DRAM1: variants seen among roughly 807,000 people sequenced by gnomAD.
The protein encoded by DRAM1 is DNA damage regulated autophagy modulator 1.
DRAM1 carries 25 observed loss-of-function variants against 28.5 expected under a neutral mutation model. That is an observed-to-expected ratio of 0.88 (90% CI 0.64 to 1.23). The LOEUF (loss-of-function observed/expected upper bound fraction) is 1.23. Among genes scored for constraint, DRAM1 ranks in the 50% most tolerant of loss-of-function variants. The pLI is 0.00. For synonymous variants in DRAM1, 113 were observed against 114.2 expected, an observed-to-expected ratio of 0.99 and a Z score of 0.07; for missense variants, 249 against 299.2, an observed-to-expected ratio of 0.83 and a Z score of 1.24.
chr12:101,887,538 CT>C (rs1491560007), intron 1 of DRAM1, among the ~76,000 whole-genome samples: 2 of 148,986 alleles, frequency 1.3e-5, no homozygotes, highest in Non-Finnish European at 1.5e-5. Flanking sequence ...TTTTCTTTTT[CT>C]TTTTTTTTTG....
Position 101,908,415 on chromosome 12 carries a change from A to G in DRAM1, c.520+52A>G, listed in dbSNP as rs954381883. 7 of 1,548,566 alleles carry G rather than the reference A, an allele frequency of 4.5e-6. No individual in the cohort carries two copies. The Admixed American group carries it at 5.7e-5, about 13-fold the overall frequency. On this transcript the variant is annotated intron_variant, in intron 4 of 6. Coordinates refer to ENST00000258534, the MANE Select transcript of DRAM1 (RefSeq NM_018370.3). ...TTAAAGGAATAAAACATTCAGTGACACTTGTTAAAGAAGGGTAATGAAGAC... is the reference window on the plus strand; with the variant it reads ...TTAAAGGAATAAAACATTCAGTGACGCTTGTTAAAGAAGGGTAATGAAGAC...
At chr12:101,910,635 G>A (rs1594309321) in intron 4 of DRAM1, among the ~76,000 whole-genome samples, 3 of 151,874 alleles carry the variant, frequency 2.0e-5, no homozygotes, top group South Asian at 2.1e-4. Flanking sequence ...CCACCACCAC[G>A]CCCGGCTACT....
At chr12:101,880,278 C>CTTTTTTTTT (rs61082909) in intron 1 of DRAM1, among the ~76,000 whole-genome samples, 6 of 70,096 alleles carry the variant, frequency 8.6e-5, no homozygotes, top group Admixed American at 1.9e-4. Flanking sequence ...GCAATGCTTC[C>CTTTTTTTTT]TTTTTTTTTT....
intron 4 of DRAM1, 74 bp from the exon 5 acceptor site, chr12:101,914,100 A>T: frequency 3.3e-6 from 3 of 914,864 alleles, no homozygotes; most frequent in Non-Finnish European, 4.8e-6. Context: ...TTATGTTATT[A>T]GGAGAATAAT....
intron 6 of DRAM1, among the ~76,000 whole-genome samples, chr12:101,920,505 A>C (rs1874440929): frequency 6.6e-6 from 1 of 152,000 alleles, no homozygotes; most frequent in African/African-American, 2.4e-5. Flanking sequence ...CACCAATGAG[A>C]TTTTCATATG....
chr12:101,901,078 G>GGTGTGT (rs67125604), intron 2 of DRAM1, among the ~76,000 whole-genome samples: 54 of 143,048 alleles, frequency 3.8e-4, no homozygotes, highest in African/African-American at 1.3e-3. Flanking sequence ...ACAGCCAAGG[G>GGTGTGT]GTGTGTGTGT....
intron 5 of DRAM1, among the ~76,000 whole-genome samples, chr12:101,915,221 T>C (rs1874193746): frequency 1.3e-5 from 2 of 151,244 alleles, no homozygotes; most frequent in Admixed American, 6.6e-5. Flanking sequence ...CCTCGTGATC[T>C]GCCCACCTCG....
In DRAM1 at chr12:101,922,589, G is replaced by T. The variant is rs1166603697; in HGVS notation, c.*1329G>T. The T allele has an allele frequency of 1.3e-5, 2 of 152,216 alleles. No individual in the cohort carries two copies. The highest frequency in any genetic ancestry group is 4.8e-5 in the African/African-American group (2 of 41,454). The allele number at this position is 152,216 out of a possible 1,614,324, so 9.4% of individuals were successfully genotyped here. ...GTGAGGCTCAGTGGCAGGTACCTCT[G>T]CAATGACAAGCTGCCTCCCCTCTAT... On this transcript the variant is annotated 3_prime_UTR_variant, in exon 7 of 7. Transcript: ENST00000258534.
intron 3 of DRAM1, among the ~76,000 whole-genome samples, chr12:101,905,747 G>A (rs1873777551): frequency 7.0e-6 from 1 of 143,828 alleles, no homozygotes; most frequent in African/African-American, 2.6e-5. Context: ...ACACCATCAT[G>A]CCCATCTGAT....
intron 3 of DRAM1, among the ~76,000 whole-genome samples, chr12:101,903,700 T>A (rs1873682402): frequency 6.6e-6 from 1 of 152,062 alleles, no homozygotes; most frequent in Admixed American, 6.6e-5. Flanking sequence ...ACAAAAAAAA[T>A]GAATAAGTAT....
At chr12:101,897,776 G>A (rs1873441304) in intron 1 of DRAM1, 87 bp from the exon 2 acceptor site, 2 of 907,918 alleles carry the variant, frequency 2.2e-6, no homozygotes, top group Admixed American at 2.2e-5. Context: ...AAAAGAAACA[G>A]AATATAAAAC....
At chr12:101,910,711 T>G (rs977566249) in intron 4 of DRAM1, among the ~76,000 whole-genome samples, 5 of 151,724 alleles carry the variant, frequency 3.3e-5, no homozygotes, top group African/African-American at 9.7e-5. Flanking sequence ...ACTCCTGAAC[T>G]CAGGTGATCC....
intron 5 of DRAM1, among the ~76,000 whole-genome samples, chr12:101,916,276 G>C (rs1476180385): frequency 2.0e-5 from 3 of 152,230 alleles, no homozygotes; most frequent in Non-Finnish European, 4.4e-5. Context: ...ACTTTGGGAG[G>C]CTGAGGCAGG....
rs1278526889 is a variant in DRAM1 at position 101,921,671 on chromosome 12, T to C, written c.*411T>C. On this transcript the variant is annotated 3_prime_UTR_variant, in exon 7 of 7. Transcript: ENST00000258534. ...CAAAGTGAAATCAGGGGATATTCAT[T>C]TGTAAATTTTATTCTTAGTGAATGA... is the stretch of plus-strand genomic sequence containing the variant. The C allele has an allele frequency of 6.5e-6, 1 of 154,986 alleles. No homozygotes were observed. Among genetic ancestry groups the C allele is most frequent in the Non-Finnish European group, 1.4e-5 (1 of 70,010 alleles). 9.6% of individuals were successfully genotyped at this position (154,986 alleles called of 1,614,324 possible). A position where few individuals can be genotyped will look rare whatever the true frequency, so the allele number is the denominator to read the frequency against.
At chr12:101,918,394 A>G (rs962909880) in intron 5 of DRAM1, among the ~76,000 whole-genome samples, 1 of 152,194 alleles carries the variant, frequency 6.6e-6, no homozygotes, top group Non-Finnish European at 1.5e-5. Flanking sequence ...CAGGGATGAT[A>G]CGGGATGTGG....
chr12:101,912,295 T>A (rs975834134), intron 4 of DRAM1, among the ~76,000 whole-genome samples: 2 of 152,228 alleles, frequency 1.3e-5, no homozygotes, highest in Admixed American at 1.3e-4. Flanking sequence ...TCCTTAAACT[T>A]CACAACTTAC....
chr12:101,893,283 G>A (rs7963719), intron 1 of DRAM1, among the ~76,000 whole-genome samples: 100,112 of 151,726 alleles, frequency 0.66, 34,756 homozygotes, highest in East Asian at 0.91. Context: ...TCCACGTTCA[G>A]TGACCTGCCG....
intron 5 of DRAM1, among the ~76,000 whole-genome samples, chr12:101,919,396 CCT>C (rs921840883): frequency 4.6e-5 from 7 of 151,988 alleles, no homozygotes; most frequent in African/African-American, 1.5e-4. Flanking sequence ...CCCTAACTTC[CCT>C]CTCTTTTCAC....
intron 1 of DRAM1, among the ~76,000 whole-genome samples, chr12:101,895,361 A>G (rs1022940691): frequency 2.0e-5 from 3 of 150,916 alleles, no homozygotes; most frequent in African/African-American, 4.9e-5. Flanking sequence ...TATTTTTAGT[A>G]GAAACAGGGT....
Sources: gnomAD v4.1 joint callset for allele counts (sites outside exome capture counted in the v4.1 genomes callset) on GRCh38, gnomAD v4.1.1 for gene constraint, MANE v1.5 for transcripts, NCBI Gene and HGNC (gene_info 2026-07-23, HGNC 2026-07-21) for gene names.